CX3CR1: variants seen among roughly 807,000 people sequenced by gnomAD.
CX3CR1 encodes the protein CX3C chemokine receptor 1.
For synonymous variants in CX3CR1, 168 were observed against 178.5 expected (o/e 0.94, Z 0.47); for missense variants, 363 against 432.4 (o/e 0.84, Z 1.42).
chr3:39,284,968 C>T (rs898618945), upstream of CX3CR1, among the ~76,000 whole-genome samples: 4 of 152,096 alleles, frequency 2.6e-5, no homozygotes, highest in Non-Finnish European at 5.9e-5. Context: ...AAGTCGAAAG[C>T]AATATGCTGG....
rs1575205396 is a variant in CX3CR1, at chr3:39,265,453, G to C, written c.1057C>G (p.Leu353Val). 1 of 1,608,746 alleles carries C rather than the reference G, an allele frequency of 6.2e-7. No individual in the cohort carries two copies. Among genetic ancestry groups the C allele is most frequent in the East Asian group, 2.2e-5 (1 of 44,790 alleles). Residue 353 changes from leucine (L) to valine (V), a missense_variant, in exon 2 of 2, where the codon CTC becomes GTC. Transcript: ENST00000399220. Reference sequence around the variant, plus strand: ...CTTTGGGATTCCCTTCAGAGAAGGAGCAATGCATCTCCATCACTCGTGTGG... The same window carrying C: ...CTTTGGGATTCCCTTCAGAGAAGGACCAATGCATCTCCATCACTCGTGTGG... ...TYHTSDGDAL[L>V]LL
At chr3:39,270,584 C>A (rs1012061635) in intron 1 of CX3CR1, among the ~76,000 whole-genome samples, 4 of 152,284 alleles carry the variant, frequency 2.6e-5, no homozygotes, top group Admixed American at 2.6e-4. Flanking sequence ...GGTGAGGTAC[C>A]ATGTACATAG....
At chr3:39,289,278 G>C in the CX3CR1 span, among the ~76,000 whole-genome samples, 1 of 152,100 alleles carries the variant, frequency 6.6e-6, no homozygotes, top group African/African-American at 2.4e-5. Flanking sequence ...CTGTGTTCCG[G>C]GGATACAAAG....
intron 1 of CX3CR1, among the ~76,000 whole-genome samples, chr3:39,275,726 A>C (rs940871956): frequency 6.6e-6 from 1 of 152,190 alleles, no homozygotes; most frequent in Non-Finnish European, 1.5e-5. Flanking sequence ...TTGAAAGAAG[A>C]CTTTGTTAAT....
At chr3:39,272,153 A>ATTT in intron 1 of CX3CR1, among the ~76,000 whole-genome samples, 1 of 152,356 alleles carries the variant, frequency 6.6e-6, no homozygotes, top group African/African-American at 2.4e-5. Context: ...TGTTGCACTA[A>ATTT]TAAAGGCATC....
upstream of CX3CR1, chr3:39,281,791 C>T (rs958914498): frequency 2.3e-5 from 21 of 924,396 alleles, no homozygotes; most frequent in East Asian, 1.9e-4. Context: ...TGCCTGTGCC[C>T]GTGGCAGGCT....
chr3:39,276,159 A>G (rs1358261348), intron 1 of CX3CR1, among the ~76,000 whole-genome samples: 1 of 152,174 alleles, frequency 6.6e-6, no homozygotes, highest in African/African-American at 2.4e-5. Flanking sequence ...GTGTTCAGGA[A>G]AGTCAGTTTA....
At chr3:39,272,486 C>G (rs55679670) in intron 1 of CX3CR1, among the ~76,000 whole-genome samples, 1 of 152,200 alleles carries the variant, frequency 6.6e-6, no homozygotes, top group Non-Finnish European at 1.5e-5. Flanking sequence ...CCCATTGTTT[C>G]CAATCAGCTT....
upstream of CX3CR1, chr3:39,281,284 C>A (rs946002213): frequency 3.6e-6 from 4 of 1,108,998 alleles, no homozygotes; most frequent in Admixed American, 1.4e-4. Flanking sequence ...AGAGTCAGGC[C>A]GCTCCCCATC....
At chr3:39,291,495 C>T in the CX3CR1 span, among the ~76,000 whole-genome samples, 23 of 152,180 alleles carry the variant, frequency 1.5e-4, no homozygotes, top group Admixed American at 3.3e-4. Context: ...CACTCAAAAT[C>T]CTCTTTGGAA....
chr3:39,268,264 C>T (rs533713562), intron 1 of CX3CR1, among the ~76,000 whole-genome samples: 1 of 152,198 alleles, frequency 6.6e-6, no homozygotes, highest in South Asian at 2.1e-4. Flanking sequence ...CCCCAGGGAA[C>T]GTGTATGCTT....
At chr3:39,283,800 TATATA>T (rs1192093056), upstream of CX3CR1, among the ~76,000 whole-genome samples, 4 of 30,620 alleles carry the variant, frequency 1.3e-4, no homozygotes, top group Admixed American at 3.0e-4. Flanking sequence ...AAAAATTATA[TATATA>T]TATATATATA....
the CX3CR1 span, among the ~76,000 whole-genome samples, chr3:39,288,948 T>G: frequency 1.3e-5 from 2 of 152,106 alleles, no homozygotes; most frequent in Non-Finnish European, 2.9e-5. Context: ...GCGGATCACC[T>G]GAGGTCAGGA....
At chr3:39,271,914 G>A (rs1031901380) in intron 1 of CX3CR1, among the ~76,000 whole-genome samples, 2 of 152,208 alleles carry the variant, frequency 1.3e-5, no homozygotes, top group Non-Finnish European at 2.9e-5. Context: ...CCTAAGATAG[G>A]GCCTCCTGGC....
At chr3:39,286,185 C>T (rs4270454), upstream of CX3CR1, 43,666 of 152,116 alleles carry the variant, frequency 0.29, 7,663 homozygotes, top group East Asian at 0.71. Flanking sequence ...TTCAAAGGGT[C>T]ATTCCAAAAA....
chr3:39,281,741 A>T (rs1478099000), upstream of CX3CR1: 1 of 1,424,538 alleles, frequency 7.0e-7, no homozygotes, highest in Admixed American at 1.8e-5. Context: ...GCCCCTTCTC[A>T]CTTCCTACTG....
chr3:39,268,168 G>A (rs1238831573), intron 1 of CX3CR1, among the ~76,000 whole-genome samples: 1 of 152,156 alleles, frequency 6.6e-6, no homozygotes, highest in Non-Finnish European at 1.5e-5. Context: ...CTCTGCTTTG[G>A]GGCCTGCATC....
chr3:39,276,614 T>C (rs549631063), intron 1 of CX3CR1, among the ~76,000 whole-genome samples: 47 of 152,358 alleles, frequency 3.1e-4, no homozygotes, highest in African/African-American at 9.6e-4. Context: ...GACTAGTCCA[T>C]GATTTATTGC....
At chr3:39,273,520 G>A (rs1258435146) in intron 1 of CX3CR1, among the ~76,000 whole-genome samples, 1 of 152,206 alleles carries the variant, frequency 6.6e-6, no homozygotes, top group East Asian at 1.9e-4. Context: ...GAGAGACCCT[G>A]GGCAGGTCAC....
Sources: allele counts gnomAD v4.1 joint callset (sites outside exome capture counted in the v4.1 genomes callset), GRCh38; gene constraint gnomAD v4.1.1; transcripts MANE v1.5; gene names NCBI Gene and HGNC (gene_info 2026-07-23, HGNC 2026-07-21).